Variants in SLC8A1 observed in about 807,000 individuals in gnomAD.
The protein encoded by SLC8A1 is solute carrier family 8 member A1, also known as sodium/calcium exchanger 1.
In SLC8A1, 18 loss-of-function variants were observed where a neutral mutation model predicts 68.3. That is an observed-to-expected ratio of 0.26 (90% CI 0.18 to 0.39). SLC8A1 has a LOEUF of 0.39. SLC8A1 is among the 10% of genes least tolerant of loss of function. The pLI is 1.00. For missense variants in SLC8A1, 985 were observed against 1,156.7 expected (o/e 0.85, Z 2.15); for synonymous variants, 475 against 415.5 (o/e 1.14, Z -1.74).
intron 2 of SLC8A1, among the ~76,000 whole-genome samples, chr2:40,232,591 G>C (rs1320066722): frequency 7.8e-6 from 1 of 128,292 alleles, no homozygotes; most frequent in Non-Finnish European, 1.8e-5. Context: ...GTCCAACTTT[G>C]TATTCTGTTT....
At chr2:40,370,392 G>A (rs1314666381) in intron 2 of SLC8A1, among the ~76,000 whole-genome samples, 1 of 151,956 alleles carries the variant, frequency 6.6e-6, no homozygotes, top group South Asian at 2.1e-4. Flanking sequence ...TATAGCAAAG[G>A]CTCTCTGGTG....
intron 2 of SLC8A1, among the ~76,000 whole-genome samples, chr2:40,347,726 A>T (rs1401233854): frequency 6.6e-6 from 1 of 152,234 alleles, no homozygotes; most frequent in East Asian, 1.9e-4. Context: ...TTGTGTATTA[A>T]TTTAGTTTAT....
At chr2:40,282,129 C>T (rs1335792733) in intron 2 of SLC8A1, among the ~76,000 whole-genome samples, 1 of 152,106 alleles carries the variant, frequency 6.6e-6, no homozygotes, top group African/African-American at 2.4e-5. Flanking sequence ...CAGTAAAATG[C>T]CACTTTTTCT....
At chr2:40,307,625 G>A (rs1254793384) in intron 2 of SLC8A1, among the ~76,000 whole-genome samples, 6 of 152,154 alleles carry the variant, frequency 3.9e-5, no homozygotes, top group Non-Finnish European at 8.8e-5. Context: ...TTTAGCATTA[G>A]AATTTGGCTA....
At chr2:40,204,293 G>C (rs1361546003) in intron 2 of SLC8A1, among the ~76,000 whole-genome samples, 1 of 151,966 alleles carries the variant, frequency 6.6e-6, no homozygotes, top group Non-Finnish European at 1.5e-5. Flanking sequence ...AAAATTCAAA[G>C]TTCAGAAAAT....
At chr2:40,499,213 G>A (rs186743609) in intron 1 of SLC8A1, among the ~76,000 whole-genome samples, 48 of 152,152 alleles carry the variant, frequency 3.2e-4, no homozygotes, top group African/African-American at 1.1e-3. Flanking sequence ...TCTCTGTGCT[G>A]CGTTTGCTCA....
At chr2:40,488,226 A>G (rs1200158954) in intron 1 of SLC8A1, among the ~76,000 whole-genome samples, 4 of 52,250 alleles carry the variant, frequency 7.7e-5, no homozygotes, top group South Asian at 5.3e-4. Flanking sequence ...CTGTAGACAG[A>G]AAAAAAAAAA....
chr2:40,221,796 A>G lies in SLC8A1; in HGVS notation c.1809-43941T>C, dbSNP rs540533649. ...ACAATTGCTACAAAGAGAATAAAAT[A>G]CCTAGAAATACAGCTTACAAGGGAT... is the stretch of plus-strand genomic sequence containing the variant. On this transcript the variant is annotated intron_variant, in intron 2 of 7. Transcript: ENST00000406785. Among the ~76,000 whole-genome samples the G allele has an allele frequency of 4.6e-5, 7 of 152,320 alleles. No individual in the cohort carries two copies. In the East Asian group the frequency reaches 1.4e-3, roughly 29 times the overall value.
chr2:40,339,198 A>G (rs1224586034), intron 2 of SLC8A1, among the ~76,000 whole-genome samples: 1 of 152,196 alleles, frequency 6.6e-6, no homozygotes, highest in Non-Finnish European at 1.5e-5. Context: ...TAGGTTATTC[A>G]TTCCTAAGAT....
At chr2:40,222,356 A>G (rs546753889) in intron 2 of SLC8A1, among the ~76,000 whole-genome samples, 3 of 152,296 alleles carry the variant, frequency 2.0e-5, no homozygotes, top group African/African-American at 7.2e-5. Context: ...ACTTCCTTAT[A>G]CCTTATACAA....
intron 2 of SLC8A1, among the ~76,000 whole-genome samples, chr2:40,280,468 T>C (rs998075807): frequency 6.6e-6 from 1 of 152,140 alleles, no homozygotes; most frequent in Admixed American, 6.6e-5. Context: ...ACACTGGTGG[T>C]CAAAATATAC....
chr2:40,365,695 T>C lies in SLC8A1; in HGVS notation c.1808+62778A>G, dbSNP rs566231987. 2.4e-4 allele frequency among the ~76,000 whole-genome samples: 36 copies of C among 152,162 alleles called. No individual in the cohort carries two copies. In the South Asian group the frequency reaches 7.5e-3, roughly 32 times the overall value. On this transcript the variant is annotated intron_variant, in intron 2 of 7. Transcript: ENST00000406785. ...ACATGTCATTCATTTGCATTTAACT[T>C]GTCAGTCTAAAACTTGCTTATTTGG...
chr2:40,368,301 T>C (rs1676908706), intron 2 of SLC8A1, among the ~76,000 whole-genome samples: 1 of 152,036 alleles, frequency 6.6e-6, no homozygotes, highest in South Asian at 2.1e-4. Context: ...CATAAAAGAT[T>C]TTCCCAACGC....
At chr2:40,340,860 A>G (rs1667465511) in intron 2 of SLC8A1, among the ~76,000 whole-genome samples, 1 of 152,176 alleles carries the variant, frequency 6.6e-6, no homozygotes, top group Non-Finnish European at 1.5e-5. Flanking sequence ...AGACAATGAG[A>G]TAGCACGCAC....
At chr2:40,115,218 G>T (rs986378442) in exon 8 of SLC8A1, 1 of 1,355,476 alleles carries the variant, frequency 7.4e-7, no homozygotes, top group Non-Finnish European at 1.0e-6. Flanking sequence ...GTATATATAT[G>T]TATATATATA....
chr2:40,174,557 A>G, intron 4 of SLC8A1, 149 bp downstream of exon 6: 2 of 770,396 alleles, frequency 2.6e-6, no homozygotes, highest in Non-Finnish European at 4.2e-6. Flanking sequence ...ACACATTATT[A>G]ATTTGTAAAA....
At chr2:40,245,025 G>C (rs1329500541) in intron 2 of SLC8A1, among the ~76,000 whole-genome samples, 1 of 152,208 alleles carries the variant, frequency 6.6e-6, no homozygotes, top group Admixed American at 6.5e-5. Context: ...TGACTCTTGA[G>C]TTACATAAAT....
Position 40,165,736 on chromosome 2 carries a change from A to C in SLC8A1, c.1931-752T>G, listed in dbSNP as rs2046438646. ...TTTCCAGAACTACCATGTAGCTTACAGTCCAGGAGAGGACGGTGGGTGCTG... is the reference window on the plus strand; with the variant it reads ...TTTCCAGAACTACCATGTAGCTTACCGTCCAGGAGAGGACGGTGGGTGCTG... On this transcript the variant is annotated intron_variant, in intron 4 of 7. Coordinates refer to ENST00000406785, the Ensembl canonical transcript of SLC8A1. 2.0e-5 allele frequency among the ~76,000 whole-genome samples: 3 copies of C among 152,206 alleles called. No homozygotes were observed. The South Asian group carries it at 6.2e-4, about 31-fold the overall frequency.
chr2:40,425,699 G>C (rs79200770), intron 2 of SLC8A1, among the ~76,000 whole-genome samples: 6,143 of 151,958 alleles, frequency 0.04, 180 homozygotes, highest in South Asian at 0.088. Flanking sequence ...TTAAAGATAA[G>C]TTGGGTTTAA....
Sources: allele counts gnomAD v4.1 joint callset (sites outside exome capture counted in the v4.1 genomes callset), GRCh38; gene constraint gnomAD v4.1.1; transcripts MANE v1.5; gene names NCBI Gene and HGNC (gene_info 2026-07-23, HGNC 2026-07-21).